Variants in KIF1A observed in about 807,000 individuals in gnomAD.
KIF1A encodes the protein kinesin-like protein KIF1A.
A neutral mutation model predicts 227.3 loss-of-function variants in KIF1A; 46 were observed. The ratio of observed to expected loss-of-function variants is 0.20; its 90% CI spans 0.16 to 0.26. The LOEUF is 0.26. KIF1A is among the 10% of genes least tolerant of loss of function. The pLI is 1.00. For synonymous variants in KIF1A, 1,022 were observed against 1,012.8 expected, an observed-to-expected ratio of 1.01 and a Z score of -0.17; for missense variants, 1,683 against 2,485.9, an observed-to-expected ratio of 0.68 and a Z score of 6.87.
intron 10 of KIF1A, among the ~76,000 whole-genome samples, chr2:240,780,529 G>C (rs557760562): frequency 9.2e-5 from 14 of 151,948 alleles, no homozygotes; most frequent in Non-Finnish European, 1.9e-4. Context: ...TCCCGTAGCT[G>C]CACAGAGAGC....
In KIF1A at chr2:240,757,608, G is replaced by A. The variant is rs746827696; in HGVS notation, c.2583-14C>T. On this transcript the variant is annotated splice_polypyrimidine_tract_variant and intron_variant, in intron 26 of 48. Coordinates refer to ENST00000498729, the MANE Select transcript of KIF1A (RefSeq NM_001244008.2). The surrounding 1 kb of genome is among the most constrained non-coding windows in gnomAD (Gnocchi z 6.2). ...GAGATGGCTGAACTGAGGTTAGTGCGACAAGACAGAGAGAAGTTAACACCA... is the reference window on the plus strand; with the variant it reads ...GAGATGGCTGAACTGAGGTTAGTGCAACAAGACAGAGAGAAGTTAACACCA... 10 of 1,530,430 alleles carry A rather than the reference G, an allele frequency of 6.5e-6. No homozygotes were observed. Among genetic ancestry groups the A allele is most frequent in the African/African-American group, 2.8e-5 (2 of 72,486 alleles). The allele number at this position is 1,530,430 out of a possible 1,614,324, so 94.8% of individuals were successfully genotyped here. A position where few individuals can be genotyped will look rare whatever the true frequency, so the allele number is the denominator to read the frequency against.
chr2:240,771,227 G>GA, intron 14 of KIF1A, 123 bp from the exon 15 acceptor site: 3 of 1,157,040 alleles, frequency 2.6e-6, no homozygotes, highest in Non-Finnish European at 3.8e-6. Flanking sequence ...GGGAGGGAGA[G>GA]AAAAAAGATG....
chr2:240,786,734 T>TGAGGGGATGGGA (rs2054880132), intron 5 of KIF1A, among the ~76,000 whole-genome samples: 9 of 36,182 alleles, frequency 2.5e-4, no homozygotes, highest in African/African-American at 1.1e-3. Flanking sequence ...GGGTGGGGGC[T>TGAGGGGATGGGA]GCCTGCTGGG....
intron 1 of KIF1A, among the ~76,000 whole-genome samples, chr2:240,803,542 G>A (rs1285727664): frequency 6.6e-6 from 1 of 152,066 alleles, no homozygotes; most frequent in Non-Finnish European, 1.5e-5. Flanking sequence ...TCTTTTTTTG[G>A]TTTACCTTTA....
chr2:240,735,129 A>G (rs2047177390), intron 38 of KIF1A, among the ~76,000 whole-genome samples: 1 of 152,144 alleles, frequency 6.6e-6, no homozygotes. Flanking sequence ...AGACTGCTCC[A>G]GGGCAGGGCT....
chr2:240,786,090 C>T (rs969611386), intron 6 of KIF1A, among the ~76,000 whole-genome samples: 3 of 152,200 alleles, frequency 2.0e-5, no homozygotes, highest in East Asian at 1.9e-4. Flanking sequence ...GCACCTCAGC[C>T]GGAGGACGCA....
rs530223639 is a variant in KIF1A, at chr2:240,752,978, C to G, written c.2859-2431G>C. On this transcript the variant is annotated intron_variant, in intron 27 of 48. Coordinates refer to ENST00000498729, the MANE Select transcript of KIF1A (RefSeq NM_001244008.2). This position sits in a 1 kb window ranked among gnomAD's most constrained non-coding sequence, Gnocchi z 6.4. Reference sequence around the variant, plus strand: ...GGGTCAGACACTACCTTTCCTACCCCCAAAGACCCATCACCACAGCTGCCT... The same window carrying G: ...GGGTCAGACACTACCTTTCCTACCCGCAAAGACCCATCACCACAGCTGCCT... Among the ~76,000 whole-genome samples the G allele has an allele frequency of 6.6e-5, 10 of 152,288 alleles. No homozygotes were observed. Among genetic ancestry groups the G allele is most frequent in the African/African-American group, 2.4e-4 (10 of 41,564 alleles).
At chr2:240,744,589 G>T (rs572134189) in intron 32 of KIF1A, among the ~76,000 whole-genome samples, 15 of 152,176 alleles carry the variant, frequency 9.9e-5, no homozygotes, top group Non-Finnish European at 2.2e-4. Context: ...GGAAGTTTGG[G>T]CCCAGGCACA....
In KIF1A at chr2:240,762,803, T is replaced by C. The variant is rs2125902938; in HGVS notation, c.2032A>G (p.Ser678Gly). ...LLEQQRLDYE[S>G]KLEALQKQMD... Reference sequence around the variant, plus strand: ...TGCTTCTGCAGAGCCTCCAGCTTGCTCTCATAGTCCTGCAGAAAGCAAGGC... The same window carrying C: ...TGCTTCTGCAGAGCCTCCAGCTTGCCCTCATAGTCCTGCAGAAAGCAAGGC... Residue 678 changes from serine (S) to glycine (G), a missense_variant, in exon 23 of 49, where the codon AGC becomes GGC. By Grantham distance (56) the Ser-to-Gly change is moderately conservative. This residue lies in a region of KIF1A where 217 missense variants were observed against 427.0 expected (regional missense o/e 0.51). Transcript: ENST00000498729. 1.3e-6 allele frequency: 2 copies of C among 1,593,634 alleles called. No homozygotes were observed. Among genetic ancestry groups the C allele is most frequent in the East Asian group, 2.3e-5 (1 of 44,166 alleles).
intron 1 of KIF1A, among the ~76,000 whole-genome samples, chr2:240,813,581 G>A (rs1199877275): frequency 2.6e-5 from 4 of 152,150 alleles, no homozygotes; most frequent in South Asian, 2.1e-4. Flanking sequence ...GAAGAATGCA[G>A]TACCCCTCAT....
rs760023084 is a variant in KIF1A, at chr2:240,760,847, T to A, written c.2266-4A>T. The stretch of plus-strand genomic sequence containing the variant: ...GGAGGACAAACTGGAATTGTACCTG[T>A]GACAGGGGAAGATGACCACTCGTCA... On this transcript the variant is annotated splice_polypyrimidine_tract_variant and splice_region_variant and intron_variant, in intron 24 of 48. Transcript: ENST00000498729. The A allele has an allele frequency of 1.9e-6, 3 of 1,604,932 alleles. No individual in the cohort carries two copies. The South Asian group carries it at 3.4e-5, about 18-fold the overall frequency.
chr2:240,759,999 G>A (rs1160324278), intron 25 of KIF1A, among the ~76,000 whole-genome samples: 1 of 150,512 alleles, frequency 6.6e-6, no homozygotes, highest in African/African-American at 2.5e-5. Flanking sequence ...CTGAGCAACA[G>A]AGCAAGGCCC....
intron 37 of KIF1A, chr2:240,737,385 C>T (rs2047463375): frequency 4.1e-6 from 2 of 486,948 alleles, no homozygotes; most frequent in African/African-American, 3.9e-5. Context: ...TCTTGTCTGT[C>T]TCTCGGCCAC....
At chr2:240,763,404 T>C in intron 20 of KIF1A, 58 bp from the exon 21 acceptor site, 2 of 1,479,564 alleles carry the variant, frequency 1.4e-6, no homozygotes, top group Middle Eastern at 1.7e-4. Context: ...TCCCTGATGG[T>C]CTCAAGCGGG....
chr2:240,757,269 G>T lies in KIF1A; in HGVS notation c.2858+50C>A. On this transcript the variant is annotated intron_variant, in intron 27 of 48. Coordinates refer to ENST00000498729, the MANE Select transcript of KIF1A (RefSeq NM_001244008.2). The surrounding 1 kb of genome is among the most constrained non-coding windows in gnomAD (Gnocchi z 6.2). ...CCTCTGTGCCCGCAGCAGTGCTCCT[G>T]TGCAAAAGAGCTGGGTCCTCCCCAG... 6.6e-7 allele frequency: 1 copy of T among 1,512,500 alleles called. No individual in the cohort carries two copies. Among genetic ancestry groups the T allele is most frequent in the Non-Finnish European group, 9.0e-7 (1 of 1,115,106 alleles). 93.7% of individuals were successfully genotyped at this position (1,512,500 alleles called of 1,614,324 possible). A position where few individuals can be genotyped will look rare whatever the true frequency, so the allele number is the denominator to read the frequency against.
chr2:240,720,894 G>A lies in KIF1A; in HGVS notation c.4868+20C>T. 4.5e-6 allele frequency: 7 copies of A among 1,541,718 alleles called. No homozygotes were observed. The highest frequency in any genetic ancestry group is 1.4e-5 in the African/African-American group (1 of 73,470). On this transcript the variant is annotated intron_variant, in intron 45 of 48. Transcript: ENST00000498729. The stretch of plus-strand genomic sequence containing the variant: ...AGCCGTGGTGCCAGAAGCCACTCCG[G>A]GAGCCTGGAGCTCACTCACCTCAGG...
At chr2:240,738,459 G>T (rs1301056893) in intron 37 of KIF1A, among the ~76,000 whole-genome samples, 1 of 152,192 alleles carries the variant, frequency 6.6e-6, no homozygotes, top group Non-Finnish European at 1.5e-5. Flanking sequence ...CCTCTTGGGA[G>T]GGATGCTGAG....
intron 15 of KIF1A, among the ~76,000 whole-genome samples, chr2:240,770,022 C>T (rs2125942876): frequency 6.6e-6 from 1 of 152,308 alleles, no homozygotes; most frequent in Non-Finnish European, 1.5e-5. Context: ...AGGTGCTCAG[C>T]CCTCTTCAGG....
chr2:240,760,537 T>C (rs1045490121), intron 25 of KIF1A, 128 bp downstream of exon 25: 4 of 607,794 alleles, frequency 6.6e-6, no homozygotes, highest in African/African-American at 5.8e-5. Context: ...TTTAAAATAA[T>C]TGGAACAGGA....
Sources: allele counts gnomAD v4.1 joint callset (sites outside exome capture counted in the v4.1 genomes callset), GRCh38; gene constraint gnomAD v4.1.1; regional missense constraint gnomAD v4.1.1; non-coding constraint Gnocchi (gnomAD v3.1); transcripts MANE v1.5; gene names NCBI Gene and HGNC (gene_info 2026-07-23, HGNC 2026-07-21).